Variants in PATL1 observed in about 807,000 individuals in gnomAD.
PATL1 encodes the protein PAT1 homolog 1, processing body mRNA decay factor, also known as protein PAT1 homolog 1.
Under a neutral mutation model 100.6 loss-of-function variants are expected in PATL1, and 32 were observed. The observed-to-expected ratio is 0.32, with a 90% CI of 0.24 to 0.43. The LOEUF is 0.43. Among genes scored for constraint, PATL1 ranks in the 20% least tolerant of loss-of-function variants. The pLI is 1.00. For missense variants in PATL1, 747 were observed against 949.9 expected, an observed-to-expected ratio of 0.79 and a Z score of 2.81; for synonymous variants, 332 against 330.0, an observed-to-expected ratio of 1.01 and a Z score of -0.07.
intron 2 of PATL1, among the ~76,000 whole-genome samples, 153 bp downstream of exon 2, chr11:59,666,700 T>A (rs558550927): frequency 6.6e-6 from 1 of 152,322 alleles, no homozygotes; most frequent in South Asian, 2.1e-4. Flanking sequence ...CTGTTTCCAG[T>A]GAAGAATGAA....
chr11:59,658,226 T>G (rs139030212), intron 4 of PATL1, among the ~76,000 whole-genome samples: 1 of 151,718 alleles, frequency 6.6e-6, no homozygotes, highest in Non-Finnish European at 1.5e-5. Context: ...AGAAATTCCA[T>G]TGTATTGTTC....
intron 1 of PATL1, 137 bp from the exon 2 acceptor site, chr11:59,667,101 T>TC: frequency 7.1e-7 from 1 of 1,417,470 alleles, no homozygotes; most frequent in African/African-American, 1.5e-5. Flanking sequence ...GCATTTTTTT[T>TC]CTACTTCCCA....
At chr11:59,665,898 C>T (rs1250145847) in intron 2 of PATL1, among the ~76,000 whole-genome samples, 1 of 152,232 alleles carries the variant, frequency 6.6e-6, no homozygotes, top group East Asian at 1.9e-4. Flanking sequence ...ATCATATAAG[C>T]TTACTTCCTA....
rs749283314 is a variant in PATL1, at chr11:59,638,373, A to G, written c.*17T>C. 28 of 1,611,028 alleles carry G rather than the reference A, an allele frequency of 1.7e-5. No individual in the cohort carries two copies. Among genetic ancestry groups the G allele is most frequent in the Non-Finnish European group, 8.5e-7 (1 of 1,177,796 alleles). ...GGTGGCAGCCAAAAGGAGGTACAGG[A>G]CACATTTGGAGATCTTTTATCGTAT... On this transcript the variant is annotated 3_prime_UTR_variant, in exon 19 of 19. Transcript: ENST00000300146.
chr11:59,656,842 T>C (rs1487818548), intron 5 of PATL1, among the ~76,000 whole-genome samples: 1 of 152,230 alleles, frequency 6.6e-6, no homozygotes, highest in Non-Finnish European at 1.5e-5. Flanking sequence ...CACCCTTCCA[T>C]GCTGTCTGAG....
intron 15 of PATL1, among the ~76,000 whole-genome samples, chr11:59,647,424 T>C (rs1057148662): frequency 6.6e-6 from 1 of 152,178 alleles, no homozygotes; most frequent in African/African-American, 2.4e-5. Context: ...ACAAAAACCC[T>C]AATCCTTCTG....
chr11:59,659,540 T>G, intron 2 of PATL1, 71 bp from the exon 3 acceptor site: 2 of 1,389,060 alleles, frequency 1.4e-6, no homozygotes, highest in African/African-American at 1.5e-5. Flanking sequence ...AATTATTGTT[T>G]TTTTTTTTTT....
At chr11:59,655,233 AC>A (rs1861510947) in intron 8 of PATL1, among the ~76,000 whole-genome samples, 1 of 152,136 alleles carries the variant, frequency 6.6e-6, no homozygotes, top group African/African-American at 2.4e-5. Context: ...AGGAACTTGA[AC>A]CCCTTTTGTC....
At chr11:59,656,129 T>A in intron 6 of PATL1, 84 bp from the exon 7 acceptor site, 1 of 792,268 alleles carries the variant, frequency 1.3e-6, no homozygotes, top group Non-Finnish European at 1.9e-6. Flanking sequence ...AGAAATGCAG[T>A]ATAAACTTGG....
intron 9 of PATL1, among the ~76,000 whole-genome samples, chr11:59,653,367 C>CCATA (rs1861473495): frequency 6.6e-6 from 1 of 152,106 alleles, no homozygotes; most frequent in Non-Finnish European, 1.5e-5. Context: ...TTGTCCAAAG[C>CCATA]CATACATCTA....
At position 59,666,880 on chromosome 11, in the gene PATL1, C is replaced by T. The variant is rs1565137387; in HGVS notation, c.100G>A (p.Asp34Asn). Residue 34 changes from aspartate to asparagine, a missense_variant, in exon 2 of 19, where the codon GAT (aspartate) becomes AAT (asparagine). Around this residue, in one of 4 missense-constraint regions of PATL1, gnomAD observed 183 missense variants for 221.2 expected, o/e 0.83. Coordinates refer to ENST00000300146, the MANE Select transcript of PATL1 (RefSeq NM_152716.3). ...EEDEEIDQFN[D>N]DTFGSGAVDD... ...ACTGCACCTGACCCAAATGTATCAT[C>T]ATTGAATTGATCAATCTCTTCATCT... The T allele has an allele frequency of 6.4e-7, 1 of 1,550,986 alleles. No homozygotes were observed. Among genetic ancestry groups the T allele is most frequent in the African/African-American group, 1.4e-5 (1 of 73,138 alleles).
chr11:59,654,489 TAAAAAAAAAA>T (rs528454364), intron 8 of PATL1, among the ~76,000 whole-genome samples: 1 of 82,428 alleles, frequency 1.2e-5, no homozygotes, highest in Non-Finnish European at 2.7e-5. Flanking sequence ...TCAAAAACAT[TAAAAAAAAAA>T]AAAAAAAAAG....
chr11:59,666,961 A>G lies in PATL1; in HGVS notation c.19T>C (p.Leu7=). MFRYES[L]EDCPLDEDED... ...TCTTCATCCAGAGGACAATCCTCCA[A>G]AGACTAAAAAAAAAGAAAAGACATT... The change falls in exon 2 of 19, where the codon TTG becomes CTG. Residue 7 remains leucine, a synonymous_variant. Transcript: ENST00000300146. 6.5e-7 allele frequency: 1 copy of G among 1,540,528 alleles called. No homozygotes were observed. Among genetic ancestry groups the G allele is most frequent in the African/African-American group, 1.4e-5 (1 of 72,462 alleles).
Position 59,659,489 on chromosome 11 carries a change from A to G in PATL1, c.128-20T>C, listed in dbSNP as rs1259307476. ...CATCATCTATAAGATGACACAGTTC[A>G]TGTAAGAAATAGTTCATAGTGGTAC... On this transcript the variant is annotated intron_variant, in intron 2 of 18. Coordinates refer to ENST00000300146, the MANE Select transcript of PATL1 (RefSeq NM_152716.3). 1.9e-6 allele frequency: 3 copies of G among 1,543,588 alleles called. No homozygotes were observed. Among genetic ancestry groups the G allele is most frequent in the South Asian group, 1.2e-5 (1 of 83,948 alleles).
rs1861309809 is a variant in PATL1, at chr11:59,643,027, T to C, written c.1902A>G (p.Pro634=). The C allele has an allele frequency of 6.2e-7, 1 of 1,613,658 alleles. No homozygotes were observed. Among genetic ancestry groups the C allele is most frequent in the Non-Finnish European group, 8.5e-7 (1 of 1,179,762 alleles). ...GGAGAGAGAAGGGACTCAGTAAGCA[T>C]GGCAGCACCTACAAAAAACAAATAA... is the stretch of plus-strand genomic sequence containing the variant. ...IKKDAQDEVL[P]CLLSPFSLLL... Residue 634 remains proline (P), a synonymous_variant, in exon 16 of 19, where the codon CCA becomes CCG. Transcript: ENST00000300146.
Position 59,656,519 on chromosome 11 carries a change from T to G in PATL1, c.703A>C (p.Asn235His). ...CATACCGGGACACTGCAGAGCTGGT[T>G]TGGAGACATCCTCTCACCATAGGGA... The part of the protein sequence containing the change: ...PAPYGERMSP[N>H]QLCSVPNSSL... Residue 235 changes from asparagine to histidine, a missense_variant, in exon 6 of 19, where the codon AAC (asparagine) becomes CAC (histidine). By Grantham distance (68) the Asn-to-His change is moderately conservative. This residue lies in a region of PATL1 where 127 missense variants were observed against 116.0 expected (regional missense o/e 1.09). Coordinates refer to ENST00000300146, the MANE Select transcript of PATL1 (RefSeq NM_152716.3). 6.2e-7 allele frequency: 1 copy of G among 1,613,920 alleles called. No individual in the cohort carries two copies. The highest frequency in any genetic ancestry group is 8.5e-7 in the Non-Finnish European group (1 of 1,179,814).
chr11:59,655,357 C>T (rs1184436963), intron 8 of PATL1, among the ~76,000 whole-genome samples, 166 bp downstream of exon 8: 1 of 152,170 alleles, frequency 6.6e-6, no homozygotes, highest in East Asian at 1.9e-4. Flanking sequence ...ATGTGATTCA[C>T]AAGAAAGCCT....
intron 15 of PATL1, among the ~76,000 whole-genome samples, chr11:59,645,582 G>A (rs914669597): frequency 2.0e-5 from 3 of 151,870 alleles, no homozygotes; most frequent in Admixed American, 2.0e-4. Context: ...GTAATGGAAA[G>A]GTAGGATAAA....
At chr11:59,658,235 T>C (rs1246126619) in intron 4 of PATL1, among the ~76,000 whole-genome samples, 3 of 151,864 alleles carry the variant, frequency 2.0e-5, no homozygotes, top group South Asian at 2.1e-4. Context: ...ATTGTATTGT[T>C]CCTTTGTAGT....
Sources: gnomAD v4.1 joint callset for allele counts (sites outside exome capture counted in the v4.1 genomes callset) on GRCh38, gnomAD v4.1.1 for gene constraint, gnomAD v4.1.1 regional missense constraint, MANE v1.5 for transcripts, NCBI Gene and HGNC (gene_info 2026-07-23, HGNC 2026-07-21) for gene names.